The following C12orf42 variants were observed in gnomAD, a reference collection of about 807,000 sequenced individuals.
C12orf42 encodes the protein chromosome 12 open reading frame 42, also known as uncharacterized protein C12orf42.
C12orf42 carries 25 observed loss-of-function variants against 21.6 expected under a neutral mutation model. That is an observed-to-expected ratio of 1.16 (90% confidence interval 0.84 to 1.62). C12orf42 has a LOEUF of 1.62. Among genes scored for constraint, C12orf42 ranks in the 40% most tolerant of loss-of-function variants. C12orf42 has a pLI of 0.00. For synonymous variants in C12orf42, 174 were observed against 175.0 expected (o/e 0.99, Z 0.05); for missense variants, 483 against 459.3 (o/e 1.05, Z -0.47).
chr12:103,457,855 TA>T (rs1256838301), intron 2 of C12orf42, among the ~76,000 whole-genome samples: 1 of 145,384 alleles, frequency 6.9e-6, no homozygotes, highest in African/African-American at 2.4e-5. Flanking sequence ...TTTTTAAAAT[TA>T]AAAACTTCAC....
the C12orf42 span, among the ~76,000 whole-genome samples, chr12:103,555,030 C>A: frequency 6.6e-6 from 1 of 152,148 alleles, no homozygotes; most frequent in Non-Finnish European, 1.5e-5. Context: ...CTTCACCCTG[C>A]AGGGAATCTC....
the C12orf42 span, among the ~76,000 whole-genome samples, chr12:103,139,992 A>G: frequency 6.6e-6 from 1 of 152,150 alleles, no homozygotes; most frequent in Admixed American, 6.6e-5. Context: ...GTCTCTCCTT[A>G]TGCCCTGAAA....
intron 3 of C12orf42, among the ~76,000 whole-genome samples, chr12:103,399,841 G>A (rs115916137): frequency 0.032 from 4,882 of 151,940 alleles, 281 homozygotes; most frequent in African/African-American, 0.11. Context: ...ACAGAGACAC[G>A]CAAAGACACA....
the C12orf42 span, among the ~76,000 whole-genome samples, chr12:103,052,388 A>T: frequency 0.022 from 3,419 of 152,240 alleles, 56 homozygotes; most frequent in African/African-American, 0.044. Flanking sequence ...TTCTAAAGGA[A>T]GTATAGTGGT....
intron 1 of C12orf42, among the ~76,000 whole-genome samples, chr12:103,480,126 G>T (rs1325359244): frequency 6.6e-6 from 1 of 151,646 alleles, no homozygotes; most frequent in East Asian, 1.9e-4. Context: ...TGATTATAGG[G>T]TTATTTATAT....
chr12:103,541,176 T>A, the C12orf42 span, among the ~76,000 whole-genome samples: 1 of 152,222 alleles, frequency 6.6e-6, no homozygotes, highest in Admixed American at 6.5e-5. Flanking sequence ...AGTGCTAGGA[T>A]TACAGATGTG....
At chr12:103,146,515 AG>A in the C12orf42 span, among the ~76,000 whole-genome samples, 1 of 148,238 alleles carries the variant, frequency 6.7e-6, no homozygotes, top group Non-Finnish European at 1.5e-5. Context: ...GAAAAGAAAG[AG>A]AAAGAAAGAA....
chr12:103,545,199 C>A, the C12orf42 span, among the ~76,000 whole-genome samples: 22 of 152,110 alleles, frequency 1.4e-4, no homozygotes, highest in African/African-American at 5.1e-4. Flanking sequence ...ATCTTATCTA[C>A]CATTCTTTCA....
intron 4 of C12orf42, among the ~76,000 whole-genome samples, chr12:103,322,150 C>T (rs191424877): frequency 3.2e-4 from 48 of 151,210 alleles, no homozygotes; most frequent in African/African-American, 9.3e-4. Flanking sequence ...CACACACACA[C>T]GCACACGCAC....
At chr12:103,163,296 A>G in the C12orf42 span, among the ~76,000 whole-genome samples, 1 of 152,256 alleles carries the variant, frequency 6.6e-6, no homozygotes, top group African/African-American at 2.4e-5. Context: ...CTTCATCTAG[A>G]TCCAATCAAT....
At chr12:103,549,145 A>G in the C12orf42 span, among the ~76,000 whole-genome samples, 2 of 152,166 alleles carry the variant, frequency 1.3e-5, no homozygotes, top group African/African-American at 4.8e-5. Context: ...TTTTTATTCT[A>G]TGAAGATCTA....
chr12:103,104,883 C>A, the C12orf42 span, among the ~76,000 whole-genome samples: 1 of 152,214 alleles, frequency 6.6e-6, no homozygotes, highest in Non-Finnish European at 1.5e-5. Flanking sequence ...GTCATCTTCA[C>A]ACACAAGGTC....
At chr12:103,373,285 T>C (rs994480879) in intron 3 of C12orf42, among the ~76,000 whole-genome samples, 1 of 152,152 alleles carries the variant, frequency 6.6e-6, no homozygotes, top group Non-Finnish European at 1.5e-5. Context: ...TCCCCTTTGT[T>C]GGGAAATAAT....
chr12:103,064,120 A>C, the C12orf42 span, among the ~76,000 whole-genome samples: 1 of 152,240 alleles, frequency 6.6e-6, no homozygotes, highest in South Asian at 2.1e-4. Flanking sequence ...CTTTGGACCT[A>C]CTCATCCCAG....
In C12orf42 at chr12:103,319,027, C is replaced by T. The variant is rs947601002; in HGVS notation, c.260-12682G>A. Among the ~76,000 whole-genome samples, 4 of 152,294 alleles carry T rather than the reference C, an allele frequency of 2.6e-5. No individual in the cohort carries two copies. The East Asian group carries it at 5.8e-4, about 22-fold the overall frequency. On this transcript the variant is annotated intron_variant, in intron 4 of 5. Coordinates refer to ENST00000548883, the MANE Select transcript of C12orf42 (RefSeq NM_198521.5). ...ATTATTAGTCCAGACAACACCTTAG[C>T]TTTCTTATATGAGGCTGTTTCCAAG...
the C12orf42 span, among the ~76,000 whole-genome samples, chr12:103,118,191 G>C: frequency 6.6e-6 from 1 of 152,168 alleles, no homozygotes; most frequent in Non-Finnish European, 1.5e-5. Flanking sequence ...TCACTTGACA[G>C]CAAAAATCTG....
chr12:103,070,990 G>A, the C12orf42 span, among the ~76,000 whole-genome samples: 1 of 152,116 alleles, frequency 6.6e-6, no homozygotes, highest in African/African-American at 2.4e-5. Flanking sequence ...GACTGTATTT[G>A]CTTTAATGCT....
At chr12:103,227,377 A>T in the C12orf42 span, among the ~76,000 whole-genome samples, 7 of 149,256 alleles carry the variant, frequency 4.7e-5, no homozygotes, top group East Asian at 8.0e-4. Flanking sequence ...GAAATAAGGG[A>T]TTGGGGTGCA....
chr12:103,340,340 T>C (rs2042058272), intron 4 of C12orf42, among the ~76,000 whole-genome samples: 1 of 152,312 alleles, frequency 6.6e-6, no homozygotes, highest in African/African-American at 2.4e-5. Context: ...CCAGGAATGG[T>C]GCCTGTTTTC....
Sources: allele counts gnomAD v4.1 joint callset (sites outside exome capture counted in the v4.1 genomes callset), GRCh38; gene constraint gnomAD v4.1.1; transcripts MANE v1.5; gene names NCBI Gene and HGNC (gene_info 2026-07-23, HGNC 2026-07-21).